TNRC6A: variants seen among roughly 807,000 people sequenced by gnomAD.
TNRC6A encodes the protein trinucleotide repeat-containing gene 6A protein.
In TNRC6A, 44 loss-of-function variants were observed where a neutral mutation model predicts 221.2. The ratio of observed to expected loss-of-function variants is 0.20; its 90% CI spans 0.16 to 0.26. The LOEUF is 0.26. Among genes scored for constraint, TNRC6A ranks in the 10% least tolerant of loss-of-function variants. The probability of loss-of-function intolerance (pLI) is 1.00; values close to 1 mark genes in which losing one functional copy is unlikely to be tolerated. For missense variants in TNRC6A, 2,199 were observed against 2,404.4 expected, an observed-to-expected ratio of 0.91 and a Z score of 1.79; for synonymous variants, 847 against 838.5, an observed-to-expected ratio of 1.01 and a Z score of -0.18.
In TNRC6A at chr16:24,750,762, AAAGAAAAAGAAAAAAGACGAC is replaced by A; in HGVS notation, c.102_122del (p.Lys35_Lys41del). ...AAGAAGAAGAACAGTTGATGGAAGA[AAAGAAAAAGAAAAAAGACGAC>A]AAGAAAAAGAAGGAAGCTGCTCAAA... is the stretch of plus-strand genomic sequence containing the variant. On this transcript the variant is annotated inframe_deletion, in exon 3 of 25. Transcript: ENST00000395799. 1 of 1,569,294 alleles carries A rather than the reference AAAGAAAAAGAAAAAAGACGAC, an allele frequency of 6.4e-7. No individual in the cohort carries two copies. Among genetic ancestry groups the A allele is most frequent in the Non-Finnish European group, 8.6e-7 (1 of 1,161,414 alleles).
In TNRC6A at chr16:24,799,474, T is replaced by C. The variant is rs76855021; in HGVS notation, c.3694+1508T>C. ...TCATCCTCTCTCTAAACTGAGGAGA[T>C]GAACAGCCCCAAGGGTCATTGTATT... On this transcript the variant is annotated intron_variant, in intron 11 of 24. Transcript: ENST00000395799. Among the ~76,000 whole-genome samples, 1,319 of 152,290 alleles carry C rather than the reference T, an allele frequency of 8.7e-3. 22 individuals are homozygous for C. Among genetic ancestry groups the C allele is most frequent in the African/African-American group, 0.03 (1,253 of 41,538 alleles).
chr16:24,766,331 A>G (rs991646550), intron 4 of TNRC6A, among the ~76,000 whole-genome samples: 1 of 152,230 alleles, frequency 6.6e-6, no homozygotes, highest in African/African-American at 2.4e-5. Flanking sequence ...GAGATAACAG[A>G]TACATTGCCT....
intron 2 of TNRC6A, among the ~76,000 whole-genome samples, chr16:24,693,359 G>A (rs530444400): frequency 6.6e-6 from 1 of 152,262 alleles, no homozygotes; most frequent in East Asian, 1.9e-4. Context: ...GGCCGAGGCA[G>A]GCAGATCACT....
At chr16:24,796,224 G>C in intron 9 of TNRC6A, 1 of 354,188 alleles carries the variant, frequency 2.8e-6, no homozygotes, top group Non-Finnish European at 5.1e-6. Context: ...TTTTTAGGAA[G>C]AAGTGACAAG....
Position 24,825,906 on chromosome 16 carries a change from G to A in TNRC6A, c.*2099G>A, listed in dbSNP as rs1291662241. 6.5e-6 allele frequency: 1 copy of A among 152,688 alleles called. No individual in the cohort carries two copies. The highest frequency in any genetic ancestry group is 2.4e-5 in the African/African-American group (1 of 41,464). 9.5% of individuals were successfully genotyped at this position (152,688 alleles called of 1,614,324 possible). ...CTGCAGGAGCTCGGGGGCGAAACCT[G>A]TGTATGGATTTCAGTGTATGACTTC... On this transcript the variant is annotated 3_prime_UTR_variant, in exon 25 of 25. Transcript: ENST00000395799.
intron 2 of TNRC6A, among the ~76,000 whole-genome samples, chr16:24,692,162 C>G (rs1304981029): frequency 6.6e-6 from 1 of 152,086 alleles, no homozygotes; most frequent in African/African-American, 2.4e-5. Context: ...ACAGGGAGTC[C>G]GTTCTCTGAA....
intron 11 of TNRC6A, among the ~76,000 whole-genome samples, chr16:24,800,875 C>T (rs2058318284): frequency 6.6e-6 from 1 of 152,172 alleles, no homozygotes; most frequent in African/African-American, 2.4e-5. Flanking sequence ...GAAGCAACAC[C>T]CTTCCTCTTG....
chr16:24,721,784 G>A (rs1392023596), intron 2 of TNRC6A, among the ~76,000 whole-genome samples: 3 of 152,136 alleles, frequency 2.0e-5, no homozygotes, highest in Non-Finnish European at 4.4e-5. Flanking sequence ...ACAAACTGTG[G>A]TATATCCATT....
intron 1 of TNRC6A, among the ~76,000 whole-genome samples, chr16:24,633,721 G>A (rs1023179417): frequency 3.3e-5 from 5 of 150,994 alleles, no homozygotes; most frequent in African/African-American, 1.2e-4. Context: ...TGTTTTCTGT[G>A]CCTCCACACA....
At chr16:24,693,075 A>G (rs1411584550) in intron 2 of TNRC6A, among the ~76,000 whole-genome samples, 1 of 152,144 alleles carries the variant, frequency 6.6e-6, no homozygotes, top group Non-Finnish European at 1.5e-5. Flanking sequence ...CACTCACACT[A>G]TTAAGATGAT....
At chr16:24,818,892 A>G (rs2058709104) in intron 21 of TNRC6A, among the ~76,000 whole-genome samples, 192 bp downstream of exon 21, 2 of 152,144 alleles carry the variant, frequency 1.3e-5, no homozygotes, top group African/African-American at 4.8e-5. Flanking sequence ...TACTAAAATC[A>G]GTTTTCACTG....
At chr16:24,813,793 G>A (rs1470893501) in intron 18 of TNRC6A, among the ~76,000 whole-genome samples, 4 of 152,158 alleles carry the variant, frequency 2.6e-5, no homozygotes, top group African/African-American at 9.7e-5. Context: ...AAATAAAATT[G>A]CACCCTTGCT....
Position 24,758,369 on chromosome 16 carries a change from T to A in TNRC6A, c.163+9T>A. 6.2e-7 allele frequency: 1 copy of A among 1,610,230 alleles called. No individual in the cohort carries two copies. Among genetic ancestry groups the A allele is most frequent in the Non-Finnish European group, 8.5e-7 (1 of 1,177,116 alleles). On this transcript the variant is annotated intron_variant, in intron 4 of 24. Transcript: ENST00000395799. ...TGAACAAAAAATCAAAGGTACGTTG[T>A]TTAAAGCTATTTTTTATCCCTTTTT...
intron 1 of TNRC6A, among the ~76,000 whole-genome samples, chr16:24,625,150 T>G (rs1900889889): frequency 6.6e-6 from 1 of 152,180 alleles, no homozygotes; most frequent in Non-Finnish European, 1.5e-5. Context: ...CTTGAAAAAC[T>G]TGAACCCCTC....
chr16:24,651,139 C>G (rs968274004), intron 2 of TNRC6A, among the ~76,000 whole-genome samples: 3 of 146,834 alleles, frequency 2.0e-5, no homozygotes, highest in Non-Finnish European at 4.5e-5. Context: ...TTGTTTATAA[C>G]AGTCACTAAG....
At position 24,804,237 on chromosome 16, in the gene TNRC6A, A is replaced by G. The variant is rs777554433; in HGVS notation, c.3755A>G (p.Asn1252Ser). 6.8e-6 allele frequency: 11 copies of G among 1,613,748 alleles called. No homozygotes were observed. The highest frequency in any genetic ancestry group is 3.3e-5 in the South Asian group (3 of 91,016). Residue 1252 changes from asparagine (N) to serine (S), a missense_variant, in exon 12 of 25, where the codon AAT (asparagine) becomes AGT (serine). Asn to Ser is a conservative substitution (Grantham distance 46). Transcript: ENST00000395799. ...DKHSLNIGDY[N>S]RTVGKGPGSR... ...CATAGCCTAAATATTGGTGATTACA[A>G]TCGAACGGTCGGGAAAGGCCCTGGT...
intron 2 of TNRC6A, among the ~76,000 whole-genome samples, chr16:24,654,787 A>G (rs1902872391): frequency 6.6e-6 from 1 of 152,228 alleles, no homozygotes; most frequent in Non-Finnish European, 1.5e-5. Flanking sequence ...CCTGTAATTT[A>G]AAGTAAATTT....
chr16:24,788,990 C>G (rs1307355001), intron 5 of TNRC6A, among the ~76,000 whole-genome samples: 1 of 152,188 alleles, frequency 6.6e-6, no homozygotes, highest in East Asian at 1.9e-4. Context: ...TGTATTCATT[C>G]AGCAAGTATT....
intron 2 of TNRC6A, among the ~76,000 whole-genome samples, chr16:24,684,091 T>C (rs1025034501): frequency 6.6e-5 from 10 of 152,202 alleles, no homozygotes; most frequent in African/African-American, 2.4e-4. Flanking sequence ...TGAATGGGTG[T>C]GACTGTATGT....
Sources: gnomAD v4.1 joint callset for allele counts (sites outside exome capture counted in the v4.1 genomes callset) on GRCh38, gnomAD v4.1.1 for gene constraint, MANE v1.5 for transcripts, NCBI Gene and HGNC (gene_info 2026-07-23, HGNC 2026-07-21) for gene names.